The following XKR9 variants were observed in gnomAD, a reference collection of about 807,000 sequenced individuals.
The protein encoded by XKR9 is XK related 9, also known as XK-related protein 9.
A neutral mutation model predicts 32.0 loss-of-function variants in XKR9; 32 were observed. The observed-to-expected ratio is 1.00, with a 90% confidence interval of 0.76 to 1.34. The LOEUF is 1.34. Among genes scored for constraint, XKR9 ranks in the 40% most tolerant of loss-of-function variants. The pLI, the probability that XKR9 is intolerant of heterozygous loss-of-function variation, is 0.00. For missense variants in XKR9, 546 were observed against 429.7 expected (o/e 1.27, Z -2.39); for synonymous variants, 168 against 143.4 (o/e 1.17, Z -1.22).
chr8:70,689,663 C>G (rs1298663838), intron 3 of XKR9, among the ~76,000 whole-genome samples: 2 of 151,782 alleles, frequency 1.3e-5, no homozygotes, highest in Non-Finnish European at 2.9e-5. Flanking sequence ...TTGTAATATA[C>G]TGTGCAATGG....
chr8:70,693,446 G>C (rs1286486298), intron 3 of XKR9, among the ~76,000 whole-genome samples: 1 of 152,152 alleles, frequency 6.6e-6, no homozygotes, highest in South Asian at 2.1e-4. Context: ...TGTGTTCCCT[G>C]TCAGTGCTCT....
At chr8:70,700,166 CCTT>C (rs1234113727) in intron 3 of XKR9, among the ~76,000 whole-genome samples, 2 of 152,166 alleles carry the variant, frequency 1.3e-5, no homozygotes, top group East Asian at 1.9e-4. Flanking sequence ...TCGTCTGAAG[CCTT>C]CTTCTCTCAA....
chr8:70,799,930 G>A, the XKR9 span, among the ~76,000 whole-genome samples: 78 of 152,168 alleles, frequency 5.1e-4, no homozygotes, highest in Non-Finnish European at 9.8e-4. Context: ...GGACATCCTT[G>A]TCTTGAGCTG....
chr8:70,910,430 A>G, the XKR9 span, among the ~76,000 whole-genome samples: 1 of 152,296 alleles, frequency 6.6e-6, no homozygotes, highest in East Asian at 1.9e-4. Context: ...TAGTATGTAA[A>G]ATGAGGAGAT....
the XKR9 span, among the ~76,000 whole-genome samples, chr8:70,815,076 A>G: frequency 6.6e-6 from 1 of 152,238 alleles, no homozygotes; most frequent in African/African-American, 2.4e-5. Context: ...GCACTGATGA[A>G]CGAAATTGTA....
chr8:70,781,386 T>C (rs1382048293), intron 2 of XKR9, among the ~76,000 whole-genome samples: 1 of 152,120 alleles, frequency 6.6e-6, no homozygotes, highest in Non-Finnish European at 1.5e-5. Flanking sequence ...TTTACTTTCT[T>C]TTTTTCCTTT....
rs1192171646 is a variant in XKR9, at chr8:70,749,225, A to G, written n.353-40114A>G. On this transcript the variant is annotated intron_variant and non_coding_transcript_variant, in intron 2 of 3. Coordinates refer to the XKR9 transcript ENST00000520273. ...CACTCTTCCTGGATGTGGGACAAGA[A>G]CTTGGGGCCTGCTGAATGGTGGGAC... 2.0e-5 allele frequency among the ~76,000 whole-genome samples: 3 copies of G among 152,024 alleles called. No homozygotes were observed. In the East Asian group the frequency reaches 5.8e-4, roughly 29 times the overall value.
chr8:71,052,577 G>A, the XKR9 span, among the ~76,000 whole-genome samples: 2 of 152,168 alleles, frequency 1.3e-5, no homozygotes, highest in Non-Finnish European at 2.9e-5. Flanking sequence ...CCCACTCAGC[G>A]TTTCTTGCTC....
At chr8:70,762,828 T>C (rs1445983715) in intron 2 of XKR9, among the ~76,000 whole-genome samples, 2 of 152,198 alleles carry the variant, frequency 1.3e-5, no homozygotes, top group African/African-American at 4.8e-5. Context: ...ATTCGGCTAC[T>C]AGTAATGTTT....
chr8:70,863,900 T>C, the XKR9 span, among the ~76,000 whole-genome samples: 2 of 152,226 alleles, frequency 1.3e-5, no homozygotes, highest in Non-Finnish European at 2.9e-5. Flanking sequence ...TATACCAATG[T>C]AGTAATTCTT....
chr8:70,955,157 G>A, the XKR9 span, among the ~76,000 whole-genome samples: 1 of 152,092 alleles, frequency 6.6e-6, no homozygotes, highest in Non-Finnish European at 1.5e-5. Context: ...AACCTCCTTG[G>A]GTTTTATGTG....
the XKR9 span, among the ~76,000 whole-genome samples, chr8:70,962,189 A>C: frequency 6.6e-6 from 1 of 152,094 alleles, no homozygotes; most frequent in Non-Finnish European, 1.5e-5. Context: ...AGTAAGTTGT[A>C]GTTTTTAAAA....
chr8:70,699,792 C>T (rs62530783), intron 3 of XKR9, among the ~76,000 whole-genome samples: 10,927 of 152,178 alleles, frequency 0.072, 470 homozygotes, highest in Non-Finnish European at 0.088. Flanking sequence ...CAACTTGGTT[C>T]CATTCTCCCT....
chr8:70,703,745 T>C (rs187510392), intron 3 of XKR9, among the ~76,000 whole-genome samples: 2 of 152,344 alleles, frequency 1.3e-5, no homozygotes, highest in Admixed American at 1.3e-4. Context: ...ATCAGCCTGA[T>C]ATGATGTAAC....
chr8:70,856,585 A>G, the XKR9 span, among the ~76,000 whole-genome samples: 5 of 152,172 alleles, frequency 3.3e-5, no homozygotes, highest in African/African-American at 1.2e-4. Flanking sequence ...GTTAACAAAG[A>G]TATCCAGGAA....
intron 4 of XKR9, among the ~76,000 whole-genome samples, chr8:70,725,318 G>A (rs1010178189): frequency 6.6e-6 from 1 of 152,134 alleles, no homozygotes; most frequent in Admixed American, 6.6e-5. Context: ...TTGGGTGGAT[G>A]GGGGAGGGAA....
chr8:70,696,656 G>A lies in XKR9; in HGVS notation c.273-10277G>A, dbSNP rs886418958. On this transcript the variant is annotated intron_variant, in intron 3 of 4. Coordinates refer to ENST00000408926, the MANE Select transcript of XKR9 (RefSeq NM_001011720.2). ...TGTTCTTTTGGCTTAGGATTGACTC[G>A]GCGATGCGGGCTCTTTCTTGTTTCC... 4.9e-5 allele frequency among the ~76,000 whole-genome samples: 7 copies of A among 141,902 alleles called. No homozygotes were observed. In the East Asian group the frequency reaches 1.2e-3, roughly 24 times the overall value. The allele number at this position is 141,902 out of a possible 152,430, so 93.1% of individuals were successfully genotyped here. A position where few individuals can be genotyped will look rare whatever the true frequency, so the allele number is the denominator to read the frequency against.
At chr8:70,725,609 TAAAA>T (rs567208132) in intron 4 of XKR9, among the ~76,000 whole-genome samples, 3 of 152,006 alleles carry the variant, frequency 2.0e-5, no homozygotes, top group Non-Finnish European at 4.4e-5. Flanking sequence ...CGAGAGGACT[TAAAA>T]AAGTTCATGG....
At chr8:71,034,293 G>A in the XKR9 span, among the ~76,000 whole-genome samples, 2,114 of 152,188 alleles carry the variant, frequency 0.014, 50 homozygotes, top group African/African-American at 0.048. Context: ...TTTATAAGGG[G>A]CTTTTCTCTG....
Sources: allele counts gnomAD v4.1 joint callset (sites outside exome capture counted in the v4.1 genomes callset), GRCh38; gene constraint gnomAD v4.1.1; transcripts MANE v1.5; gene names NCBI Gene and HGNC (gene_info 2026-07-23, HGNC 2026-07-21).